Variants in THSD7A observed in about 807,000 individuals in gnomAD.
THSD7A encodes thrombospondin type-1 domain-containing protein 7A.
Under a neutral mutation model 231.3 loss-of-function variants are expected in THSD7A, and 96 were observed. The ratio of observed to expected loss-of-function variants is 0.41; its 90% CI spans 0.35 to 0.49. The LOEUF (loss-of-function observed/expected upper bound fraction) is 0.49. Among genes scored for constraint, THSD7A ranks in the 20% least tolerant of loss-of-function variants. The pLI is 0.05. For synonymous variants in THSD7A, 940 were observed against 743.3 expected (o/e 1.26, Z -4.30); for missense variants, 2,290 against 2,070.2 (o/e 1.11, Z -2.06).
At chr7:11,674,210 C>T (rs1584190214) in intron 1 of THSD7A, among the ~76,000 whole-genome samples, 1 of 152,124 alleles carries the variant, frequency 6.6e-6, no homozygotes, top group East Asian at 2.0e-4. Flanking sequence ...GAAGTAGGCA[C>T]CACCAAAGCC....
intron 2 of THSD7A, among the ~76,000 whole-genome samples, chr7:11,611,787 AACACACAC>A (rs56683135): frequency 0.028 from 3,903 of 138,736 alleles, 47 homozygotes; most frequent in Non-Finnish European, 0.034. Context: ...AGTACCATAA[AACACACAC>A]ACACACACAC....
chr7:11,831,539 T>C lies in THSD7A; in HGVS notation c.190+218A>G, dbSNP rs1466338733. ...CCTCATTACAGAGCTGCGAGAGAAATATTCCAGCTACTCACTGTTGCCTCT... is the reference window on the plus strand; with the variant it reads ...CCTCATTACAGAGCTGCGAGAGAAACATTCCAGCTACTCACTGTTGCCTCT... On this transcript the variant is annotated intron_variant, in intron 1 of 27. Transcript: ENST00000423059. This position sits in a 1 kb window ranked among gnomAD's most constrained non-coding sequence, Gnocchi z 5.0. 6.6e-6 allele frequency among the ~76,000 whole-genome samples: 1 copy of C among 152,154 alleles called. No individual in the cohort carries two copies. The highest frequency in any genetic ancestry group is 2.1e-4 in the South Asian group (1 of 4,828).
At chr7:11,451,279 C>T (rs1785134769) in intron 11 of THSD7A, among the ~76,000 whole-genome samples, 1 of 151,970 alleles carries the variant, frequency 6.6e-6, no homozygotes, top group Admixed American at 6.6e-5. Context: ...TATGCATAAA[C>T]ATTTTTGAGA....
rs1404569557 is a variant in THSD7A, at chr7:11,444,976, C to T, written c.3064+1085G>A. Among the ~76,000 whole-genome samples, 1 of 148,620 alleles carries T rather than the reference C, an allele frequency of 6.7e-6. No homozygotes were observed. The highest frequency in any genetic ancestry group is 1.5e-5 in the Non-Finnish European group (1 of 67,346). ...ATATGTATATATATATTAAATGAAA[C>T]TTCTTTGTAGTGAGATGTTTAAGAG... On this transcript the variant is annotated intron_variant, in intron 13 of 27. Coordinates refer to ENST00000423059, the MANE Select transcript of THSD7A (RefSeq NM_015204.3). This position sits in a 1 kb window ranked among gnomAD's most constrained non-coding sequence, Gnocchi z 4.2.
chr7:11,639,542 G>A (rs1018774562), intron 1 of THSD7A, among the ~76,000 whole-genome samples: 6 of 152,060 alleles, frequency 3.9e-5, no homozygotes, highest in African/African-American at 9.6e-5. Context: ...GGTGGCGGGC[G>A]CTGTAGTCCT....
intron 6 of THSD7A, among the ~76,000 whole-genome samples, chr7:11,531,817 G>A (rs59956574): frequency 0.083 from 12,643 of 152,154 alleles, 802 homozygotes; most frequent in East Asian, 0.18. Flanking sequence ...ATAGCAGAGC[G>A]TTGAAATGAA....
intron 4 of THSD7A, among the ~76,000 whole-genome samples, chr7:11,549,089 T>G (rs1789519548): frequency 6.6e-6 from 1 of 151,990 alleles, no homozygotes; most frequent in Admixed American, 6.6e-5. Flanking sequence ...GGAAAGGGCA[T>G]GAAAAGACAC....
Position 11,412,714 on chromosome 7 carries a change from A to G in THSD7A, c.3624T>C (p.Val1208=), listed in dbSNP as rs1022453804. 8.7e-6 allele frequency: 14 copies of G among 1,613,692 alleles called. No individual in the cohort carries two copies. The African/African-American group carries it at 1.9e-4, about 22-fold the overall frequency. The part of the protein sequence containing the change: ...ADEGRSCPNA[V]EKEPCNLNKN... ...TGTTCAGGTTACAGGGTTCTTTCTC[A>G]ACAGCATTAGGGCAAGATCTTCCTT... Residue 1208 remains valine, a synonymous_variant, in exon 18 of 28, where the codon GTT becomes GTC. Transcript: ENST00000423059.
intron 6 of THSD7A, among the ~76,000 whole-genome samples, chr7:11,507,119 C>G (rs6972629): frequency 0.29 from 44,787 of 152,002 alleles, 6,866 homozygotes; most frequent in South Asian, 0.42. Context: ...ATTAAGCAGT[C>G]ACAGTGAGGT....
chr7:11,731,889 TTTAA>T (rs72140273), intron 1 of THSD7A, among the ~76,000 whole-genome samples: 26,516 of 151,500 alleles, frequency 0.18, 2,989 homozygotes, highest in African/African-American at 0.32. Flanking sequence ...ATCTGCTGAT[TTTAA>T]TTGTTATCAA....
chr7:11,777,459 A>ACT (rs1052700974), intron 1 of THSD7A, among the ~76,000 whole-genome samples: 32 of 148,712 alleles, frequency 2.2e-4, no homozygotes, highest in East Asian at 7.9e-4. Flanking sequence ...ACACACACAC[A>ACT]CTCTTTAACT....
intron 1 of THSD7A, among the ~76,000 whole-genome samples, chr7:11,701,939 TC>T (rs144695427): frequency 0.013 from 1,926 of 151,196 alleles, 46 homozygotes; most frequent in African/African-American, 0.044. Context: ...GCACACTTTT[TC>T]CCCTGTAGAT....
chr7:11,622,958 G>C (rs987887010), intron 2 of THSD7A, among the ~76,000 whole-genome samples: 2 of 152,160 alleles, frequency 1.3e-5, no homozygotes, highest in African/African-American at 4.8e-5. Flanking sequence ...TAAAGGCAGA[G>C]AGTTGAAGGC....
At chr7:11,744,137 G>C (rs1018961369) in intron 1 of THSD7A, among the ~76,000 whole-genome samples, 1 of 151,754 alleles carries the variant, frequency 6.6e-6, no homozygotes, top group African/African-American at 2.4e-5. Flanking sequence ...TACCATGTTG[G>C]ATACCTGCAT....
chr7:11,500,927 C>G (rs1426794693), intron 6 of THSD7A, among the ~76,000 whole-genome samples: 2 of 143,082 alleles, frequency 1.4e-5, no homozygotes, highest in East Asian at 2.1e-4. Context: ...GAGTGAAACT[C>G]TGTCTCAAAA....
At chr7:11,621,281 A>G (rs1781301311) in intron 2 of THSD7A, among the ~76,000 whole-genome samples, 1 of 152,172 alleles carries the variant, frequency 6.6e-6, no homozygotes, top group South Asian at 2.1e-4. Flanking sequence ...GTTTCACTCA[A>G]TACTGCGTTT....
rs1042254565 is a variant in THSD7A at position 11,768,285 on chromosome 7, C to A, written c.190+63472G>T. Among the ~76,000 whole-genome samples, 4 of 152,090 alleles carry A rather than the reference C, an allele frequency of 2.6e-5. No homozygotes were observed. The South Asian group carries it at 8.3e-4, about 32-fold the overall frequency. ...CAATATATCAGGATATATTGGCAAA[C>A]GGAATCATATGTTTGTCATAAGGCA... On this transcript the variant is annotated intron_variant, in intron 1 of 27. Coordinates refer to ENST00000423059, the MANE Select transcript of THSD7A (RefSeq NM_015204.3).
At chr7:11,422,839 G>A (rs1784195177) in intron 16 of THSD7A, among the ~76,000 whole-genome samples, 1 of 152,042 alleles carries the variant, frequency 6.6e-6, no homozygotes, top group South Asian at 2.1e-4. Context: ...TTTTAGTAGA[G>A]ACAGGGTTTC....
chr7:11,593,345 G>C lies in THSD7A; in HGVS notation c.1180C>G (p.Gln394Glu), dbSNP rs774338890. The change falls in exon 3 of 28, where the codon CAG becomes GAG. Residue 394 changes from glutamine to glutamate, a missense_variant. Coordinates refer to ENST00000423059, the MANE Select transcript of THSD7A (RefSeq NM_015204.3). Reference protein sequence around the residue: ...GTRVRTRTIRQFPIGSEKECP... With the variant: ...GTRVRTRTIREFPIGSEKECP... The stretch of plus-strand genomic sequence containing the variant: ...TCCTTTTCACTGCCAATGGGAAACT[G>C]CCTGATGGTTCGTGTCCTTACACGA... 3 of 1,613,992 alleles carry C rather than the reference G, an allele frequency of 1.9e-6. No individual in the cohort carries two copies. Among genetic ancestry groups the C allele is most frequent in the Non-Finnish European group, 2.5e-6 (3 of 1,179,898 alleles).
Sources: gnomAD v4.1 joint callset for allele counts (sites outside exome capture counted in the v4.1 genomes callset) on GRCh38, gnomAD v4.1.1 for gene constraint, Gnocchi (gnomAD v3.1) non-coding constraint, MANE v1.5 for transcripts, NCBI Gene and HGNC (gene_info 2026-07-23, HGNC 2026-07-21) for gene names.